Variants in MRPL37 observed in about 807,000 individuals in gnomAD.
MRPL37 encodes large ribosomal subunit protein mL37.
A neutral mutation model predicts 44.1 loss-of-function variants in MRPL37; 34 were observed. The observed-to-expected ratio is 0.77, with a 90% CI of 0.59 to 1.03. The LOEUF is 1.03. Ranked by LOEUF, MRPL37 falls within the 50% of genes least tolerant of loss-of-function variation. MRPL37 has a pLI of 0.00. For synonymous variants in MRPL37, 212 were observed against 219.5 expected (o/e 0.97, Z 0.30); for missense variants, 532 against 543.7 (o/e 0.98, Z 0.21).
intron 4 of MRPL37, among the ~76,000 whole-genome samples, chr1:54,211,360 T>C (rs962961984): frequency 6.6e-6 from 1 of 152,160 alleles, no homozygotes; most frequent in Non-Finnish European, 1.5e-5. Flanking sequence ...GGTACCTGTC[T>C]TACAGCTTGG....
At chr1:54,206,363 C>T (rs188699115) in intron 3 of MRPL37, among the ~76,000 whole-genome samples, 4 of 152,154 alleles carry the variant, frequency 2.6e-5, no homozygotes, top group East Asian at 1.9e-4. Context: ...CCGCCTGCCT[C>T]GGCCTCCCAA....
Position 54,205,367 on chromosome 1 carries a change from G to C in MRPL37, c.603G>C (p.Arg201Ser), listed in dbSNP as rs746940280. Reference sequence around the variant, plus strand: ...TCAAGCATCCTTCTCTGGCCAGGAGGATCTGTGTCCAAAACTCCACGTTTT... The same window carrying C: ...TCAAGCATCCTTCTCTGGCCAGGAGCATCTGTGTCCAAAACTCCACGTTTT... Reference protein sequence around the residue: ...QILKHPSLARRICVQNSTFSA... With the variant: ...QILKHPSLARSICVQNSTFSA... Residue 201 changes from arginine (R) to serine (S), a missense_variant, in exon 3 of 7, where the codon AGG (arginine) becomes AGC (serine). Physicochemically the swap from Arg to Ser is moderately radical, Grantham distance 110. Coordinates refer to ENST00000360840, the MANE Select transcript of MRPL37 (RefSeq NM_016491.4). The C allele has an allele frequency of 2.5e-6, 4 of 1,613,958 alleles. No individual in the cohort carries two copies. The Admixed American group carries it at 5.0e-5, about 20-fold the overall frequency.
chr1:54,210,268 C>A, intron 4 of MRPL37, 137 bp downstream of exon 4: 1 of 784,138 alleles, frequency 1.3e-6, no homozygotes, highest in Non-Finnish European at 2.0e-6. Context: ...ATCCATGTGG[C>A]AGCCCCATGA....
rs1644120213 is a variant in MRPL37, at chr1:54,206,123, A to AT, written c.646+720dup. The stretch of plus-strand genomic sequence containing the variant: ...ATTTATTTATTTATTTTATTTATTT[A>AT]TTTTTTTGAGACGGAGTCTCGCTCT... On this transcript the variant is annotated intron_variant, in intron 3 of 6. Coordinates refer to ENST00000360840, the MANE Select transcript of MRPL37 (RefSeq NM_016491.4). 2.0e-5 allele frequency among the ~76,000 whole-genome samples: 3 copies of AT among 151,376 alleles called. No individual in the cohort carries two copies. The South Asian group carries it at 6.3e-4, about 32-fold the overall frequency.
downstream of MRPL37, among the ~76,000 whole-genome samples, chr1:54,221,735 A>C (rs1343092933): frequency 6.6e-6 from 1 of 152,120 alleles, no homozygotes; most frequent in Admixed American, 6.5e-5. Flanking sequence ...AGACCCATGG[A>C]TCTCCTCCTC....
At chr1:54,208,144 G>A (rs190612491) in intron 3 of MRPL37, among the ~76,000 whole-genome samples, 1 of 152,314 alleles carries the variant, frequency 6.6e-6, no homozygotes, top group East Asian at 1.9e-4. Flanking sequence ...ACGTCTGCAT[G>A]TAGCATATAT....
chr1:54,224,797 G>A (rs186546145), downstream of MRPL37, among the ~76,000 whole-genome samples: 5 of 152,238 alleles, frequency 3.3e-5, no homozygotes, highest in East Asian at 1.9e-4. Context: ...CCTAAATGTC[G>A]TCTGGGAATG....
intron 6 of MRPL37, among the ~76,000 whole-genome samples, chr1:54,217,008 C>T (rs1189363034): frequency 6.6e-6 from 1 of 152,182 alleles, no homozygotes; most frequent in African/African-American, 2.4e-5. Context: ...GGGGTCCAGG[C>T]CTGCTCTCTG....
downstream of MRPL37, chr1:54,225,402 C>A: frequency 8.1e-7 from 1 of 1,234,010 alleles, no homozygotes; most frequent in African/African-American, 1.5e-5. Context: ...TAAACTCCAA[C>A]CCACATTCCC....
At chr1:54,222,848 T>C (rs1644245176), downstream of MRPL37, among the ~76,000 whole-genome samples, 1 of 152,154 alleles carries the variant, frequency 6.6e-6, no homozygotes, top group South Asian at 2.1e-4. Flanking sequence ...GCAGCTTGCC[T>C]CACCTCCACA....
At chr1:54,219,998 T>TA (rs1166582763), downstream of MRPL37, among the ~76,000 whole-genome samples, 1 of 152,194 alleles carries the variant, frequency 6.6e-6, no homozygotes, top group Non-Finnish European at 1.5e-5. Context: ...TCATGTATCT[T>TA]AGAGTAGTTT....
At chr1:54,223,805 C>T (rs1644253967), downstream of MRPL37, among the ~76,000 whole-genome samples, 1 of 152,238 alleles carries the variant, frequency 6.6e-6, no homozygotes, top group Admixed American at 6.5e-5. Flanking sequence ...TTTTCTCCTC[C>T]TCATTTCAGT....
chr1:54,210,845 A>G (rs1293435499), intron 4 of MRPL37, among the ~76,000 whole-genome samples: 1 of 152,068 alleles, frequency 6.6e-6, no homozygotes, highest in Admixed American at 6.5e-5. Context: ...TCATAATTCC[A>G]GAGTAGCCTT....
At chr1:54,209,013 C>G (rs1373892008) in intron 3 of MRPL37, among the ~76,000 whole-genome samples, 1 of 152,196 alleles carries the variant, frequency 6.6e-6, no homozygotes, top group Non-Finnish European at 1.5e-5. Flanking sequence ...CTGCTCTTAT[C>G]CATCCTTCCA....
Position 54,200,293 on chromosome 1 carries a change from A to G in MRPL37, c.50A>G (p.Gln17Arg), listed in dbSNP as rs1434465763. 4 of 1,609,678 alleles carry G rather than the reference A, an allele frequency of 2.5e-6. No individual in the cohort carries two copies. Among genetic ancestry groups the G allele is most frequent in the African/African-American group, 1.3e-5 (1 of 74,736 alleles). The stretch of plus-strand genomic sequence containing the variant: ...AGGCGGGCGCTAGCTGGCTCCGGGC[A>G]GCTCGGCCTTGGGGGCTTCGGGGCC... The part of the protein sequence containing the change: ...PARRALAGSG[Q>R]LGLGGFGAPR... Residue 17 changes from glutamine to arginine, a missense_variant, in exon 1 of 7, where the codon CAG (glutamine) becomes CGG (arginine). Gln to Arg is a conservative substitution (Grantham distance 43). Transcript: ENST00000360840.
intron 4 of MRPL37, 72 bp downstream of exon 4, chr1:54,210,203 A>G: frequency 6.7e-7 from 1 of 1,494,376 alleles, no homozygotes; most frequent in East Asian, 2.3e-5. Flanking sequence ...GGGAAAGGAT[A>G]TACTAAGAAC....
chr1:54,221,608 A>G (rs755470199), downstream of MRPL37, among the ~76,000 whole-genome samples: 11 of 152,154 alleles, frequency 7.2e-5, no homozygotes, highest in Non-Finnish European at 1.5e-4. Context: ...ACACACGTGC[A>G]CAGGCATACA....
At chr1:54,206,428 G>C (rs2100504487) in intron 3 of MRPL37, among the ~76,000 whole-genome samples, 1 of 151,738 alleles carries the variant, frequency 6.6e-6, no homozygotes, top group South Asian at 2.1e-4. Context: ...TTTATTTTTT[G>C]AGACAGAGTC....
intron 3 of MRPL37, 43 bp from the exon 4 acceptor site, chr1:54,209,903 G>A (rs780207742): frequency 2.5e-6 from 4 of 1,591,172 alleles, no homozygotes. Context: ...AGCTGCGAAA[G>A]CCTTTAGTAC....
Sources: gnomAD v4.1 joint callset for allele counts (sites outside exome capture counted in the v4.1 genomes callset) on GRCh38, gnomAD v4.1.1 for gene constraint, MANE v1.5 for transcripts, NCBI Gene and HGNC (gene_info 2026-07-23, HGNC 2026-07-21) for gene names.